BIRC7: variants seen among roughly 807,000 people sequenced by gnomAD.
The protein encoded by BIRC7 is baculoviral IAP repeat-containing protein 7.
Under a neutral mutation model 33.2 loss-of-function variants are expected in BIRC7, and 26 were observed. The observed-to-expected ratio is 0.78, with a 90% CI of 0.57 to 1.09. BIRC7 has a LOEUF of 1.09. Among genes scored for constraint, BIRC7 ranks in the 50% least tolerant of loss-of-function variants. The pLI is 0.00. For missense variants in BIRC7, 409 were observed against 401.2 expected, an observed-to-expected ratio of 1.02 and a Z score of -0.17; for synonymous variants, 176 against 171.0, an observed-to-expected ratio of 1.03 and a Z score of -0.23.
At position 63,239,065 on chromosome 20, in the gene BIRC7, G is replaced by A. The variant is rs55884143; in HGVS notation, c.578-97G>A. ...GATACTCTGCAGCCCCTCCACTCCC[G>A]GCCAGAACTGGACCCCACAGGCTGC... On this transcript the variant is annotated intron_variant, in intron 4 of 6. Transcript: ENST00000217169. 4.3e-3 allele frequency: 5,512 copies of A among 1,296,926 alleles called. 185 individuals carry two copies. In the African/African-American group the frequency reaches 0.072, roughly 17 times the overall value. The allele number at this position is 1,296,926 out of a possible 1,614,324, so 80.3% of individuals were successfully genotyped here.
Position 63,239,523 on chromosome 20 carries a change from G to A in BIRC7, c.815G>A (p.Cys272Tyr), listed in dbSNP as rs770177059. The A allele has an allele frequency of 1.2e-6, 2 of 1,605,302 alleles. No homozygotes were observed. The highest frequency in any genetic ancestry group is 3.3e-5 in the Admixed American group (2 of 59,996). Residue 272 changes from cysteine (C) to tyrosine (Y), a missense_variant, in exon 6 of 7, where the codon TGT becomes TAT. Cys to Tyr is a radical substitution (Grantham distance 194). Coordinates refer to ENST00000217169, the MANE Select transcript of BIRC7 (RefSeq NM_139317.3). ...TTTGTGCCGTGCGGCCACCTGGTCT[G>A]TGCTGAGTGTGCCCCCGGCCTGCAG... ...IVFVPCGHLVCAECAPGLQLC... is the reference protein window; with the variant it reads ...IVFVPCGHLVYAECAPGLQLC...
At position 63,236,311 on chromosome 20, in the gene BIRC7, G is replaced by C; in HGVS notation, c.215G>C (p.Gly72Ala). 1 of 1,610,018 alleles carries C rather than the reference G, an allele frequency of 6.2e-7. No individual in the cohort carries two copies. The highest frequency in any genetic ancestry group is 1.1e-5 in the South Asian group (1 of 90,972). ...LTEEEEEEGAGATLSRGPAFP... is the reference protein window; with the variant it reads ...LTEEEEEEGAAATLSRGPAFP... ...GAGGAGGAAGAGGAGGAGGGCGCCG[G>C]GGCCACCTTGTCCAGGGGGCCTGCC... The change falls in exon 1 of 7, where the codon GGG becomes GCG. Residue 72 changes from glycine to alanine, a missense_variant. Gly to Ala is a moderately conservative substitution (Grantham distance 60). Coordinates refer to ENST00000217169, the MANE Select transcript of BIRC7 (RefSeq NM_139317.3).
At chr20:63,238,959 C>A in intron 4 of BIRC7, 1 of 652,592 alleles carries the variant, frequency 1.5e-6, no homozygotes, top group Non-Finnish European at 2.6e-6. Flanking sequence ...GGACAAGGGA[C>A]AGGCTCTCTG....
chr20:63,239,147 C>T lies in BIRC7; in HGVS notation c.578-15C>T. ...CTTGGGAGTTAGGCCTCAAGTCTAT[C>T]CTAACTGTCCACAGTCCCTGCCTCT... On this transcript the variant is annotated splice_polypyrimidine_tract_variant and intron_variant, in intron 4 of 6. Transcript: ENST00000217169. 6.2e-7 allele frequency: 1 copy of T among 1,611,572 alleles called. No homozygotes were observed. Among genetic ancestry groups the T allele is most frequent in the Non-Finnish European group, 8.5e-7 (1 of 1,179,250 alleles).
intron 6 of BIRC7, among the ~76,000 whole-genome samples, 175 bp downstream of exon 6, chr20:63,239,785 G>A (rs938561645): frequency 1.3e-5 from 2 of 152,208 alleles, no homozygotes; most frequent in African/African-American, 4.8e-5. Context: ...CTCCCTTGAC[G>A]CTTAGGTTGG....
chr20:63,238,108 C>T, intron 2 of BIRC7, 106 bp downstream of exon 2: 1 of 1,127,762 alleles, frequency 8.9e-7, no homozygotes. Context: ...CCTGGCCCCA[C>T]AGGGCACTGG....
chr20:63,240,036 C>A (rs2066725438), intron 6 of BIRC7, among the ~76,000 whole-genome samples: 1 of 152,242 alleles, frequency 6.6e-6, no homozygotes, highest in Non-Finnish European at 1.5e-5. Flanking sequence ...GGTGTGTGAA[C>A]CTGTTCTTAG....
chr20:63,238,573 C>T lies in BIRC7; in HGVS notation c.536C>T (p.Pro179Leu), dbSNP rs752080915. 1.5e-5 allele frequency: 25 copies of T among 1,613,136 alleles called. No individual in the cohort carries two copies. Among genetic ancestry groups the T allele is most frequent in the Non-Finnish European group, 1.7e-5 (20 of 1,179,984 alleles). Reference protein sequence around the residue: ...THSQLLGSWDPWEEPEDAAPV... With the variant: ...THSQLLGSWDLWEEPEDAAPV... The stretch of plus-strand genomic sequence containing the variant: ...ATGGTCTCTGGCTCCTTCCAGGACC[C>T]GTGGGAAGAACCGGAAGACGCAGCC... Residue 179 changes from proline (P) to leucine (L), a missense_variant, in exon 4 of 7, where the codon CCG becomes CTG. Coordinates refer to ENST00000217169, the MANE Select transcript of BIRC7 (RefSeq NM_139317.3).
rs139260685 is a variant in BIRC7, at chr20:63,237,961, C to G, written c.408C>G (p.Arg136=). 1 of 1,608,920 alleles carries G rather than the reference C, an allele frequency of 6.2e-7. No individual in the cohort carries two copies. ...ATGGGGGCCTGCAGAGCTGGAAGCG[C>G]GGGGACGACCCCTGGACGGAGCATG... ...FCYGGLQSWK[R]GDDPWTEHAK... is the part of the protein sequence containing the mutation. The change falls in exon 2 of 7, where the codon CGC becomes CGG. Residue 136 remains arginine, a synonymous_variant. Transcript: ENST00000217169.
In BIRC7 at chr20:63,236,177, G is replaced by A. The variant is rs745552534; in HGVS notation, c.81G>A (p.Gln27=). The A allele has an allele frequency of 6.3e-7, 1 of 1,590,038 alleles. No individual in the cohort carries two copies. The highest frequency in any genetic ancestry group is 8.6e-7 in the Non-Finnish European group (1 of 1,167,818). The part of the protein sequence containing the change: ...SHWAAGDGPT[Q]ERCGPRSLGS... The stretch of plus-strand genomic sequence containing the variant: ...GGGCAGCCGGTGATGGTCCCACGCA[G>A]GAGCGCTGTGGACCCCGCTCTCTGG... The change falls in exon 1 of 7, where the codon CAG becomes CAA. Residue 27 remains glutamine, a synonymous_variant. Transcript: ENST00000217169.
At position 63,238,377 on chromosome 20, in the gene BIRC7, A is replaced by T; in HGVS notation, c.450-19A>T. The T allele has an allele frequency of 1.9e-6, 3 of 1,611,252 alleles. 1 individual carries two copies. The highest frequency in any genetic ancestry group is 3.3e-4 in the Middle Eastern group (2 of 6,060). On this transcript the variant is annotated intron_variant, in intron 2 of 6. Transcript: ENST00000217169. ...GTGGGGGCCCTGAACCCCAACCTAC[A>T]TCTCTGGGGCATCTGCAGCTGTCAG...
chr20:63,237,700 CCA>C (rs1309862978), intron 1 of BIRC7, among the ~76,000 whole-genome samples: 1 of 152,092 alleles, frequency 6.6e-6, no homozygotes, highest in African/African-American at 2.4e-5. Flanking sequence ...GGCCGGCACC[CCA>C]GTCACCCTTG....
chr20:63,237,192 G>C (rs554482427), intron 1 of BIRC7, among the ~76,000 whole-genome samples: 1 of 152,324 alleles, frequency 6.6e-6, no homozygotes, highest in Admixed American at 6.5e-5. Context: ...TGGTCGGGGG[G>C]ACAGTGGCTG....
At chr20:63,238,898 C>T in intron 4 of BIRC7, 1 of 625,502 alleles carries the variant, frequency 1.6e-6, no homozygotes, top group Non-Finnish European at 2.8e-6. Context: ...CAGTGCCCAG[C>T]ACACAGCATC....
At chr20:63,237,409 C>T (rs1013827238) in intron 1 of BIRC7, among the ~76,000 whole-genome samples, 1 of 152,124 alleles carries the variant, frequency 6.6e-6, no homozygotes, top group Non-Finnish European at 1.5e-5. Context: ...GATGAGGGGA[C>T]GGGGTCGCCA....
At chr20:63,238,750 G>T in intron 4 of BIRC7, 136 bp downstream of exon 4, 2 of 1,304,812 alleles carry the variant, frequency 1.5e-6, no homozygotes, top group South Asian at 2.7e-5. Flanking sequence ...CTGCTGCCTG[G>T]GTTGGCTTCA....
rs1601253543 is a variant in BIRC7 at position 63,236,032 on chromosome 20, T to C, written c.-65T>C. On this transcript the variant is annotated 5_prime_UTR_variant, in exon 1 of 7. Coordinates refer to ENST00000217169, the MANE Select transcript of BIRC7 (RefSeq NM_139317.3). ...GAGCTCCAGAAGGGCCAGCTGGGCA[T>C]ATTCTGAGATTGGCCATCAGCCCCC... 1.4e-5 allele frequency: 21 copies of C among 1,463,726 alleles called. No homozygotes were observed. In the South Asian group the frequency reaches 2.8e-4, roughly 19 times the overall value. The allele number at this position is 1,463,726 out of a possible 1,614,324, so 90.7% of individuals were successfully genotyped here. A position where few individuals can be genotyped will look rare whatever the true frequency, so the allele number is the denominator to read the frequency against.
chr20:63,238,597 C>G lies in BIRC7; in HGVS notation c.560C>G (p.Ala187Gly), dbSNP rs6011693. The change falls in exon 4 of 7, where the codon GCC becomes GGC. Residue 187 changes from alanine (A) to glycine (G), a missense_variant. By Grantham distance (60) the Ala-to-Gly change is moderately conservative. Coordinates refer to ENST00000217169, the MANE Select transcript of BIRC7 (RefSeq NM_139317.3). ...CCGTGGGAAGAACCGGAAGACGCAG[C>G]CCCTGTGGCCCCCTCCGGTGAGAGC... The part of the protein sequence containing the change: ...WDPWEEPEDA[A>G]PVAPSVPASG... The G allele has an allele frequency of 3.9e-3, 6,210 of 1,612,936 alleles. 206 individuals carry two copies. The African/African-American group carries it at 0.074, about 19-fold the overall frequency.
chr20:63,237,190 G>C (rs2066695128), intron 1 of BIRC7, among the ~76,000 whole-genome samples: 1 of 152,210 alleles, frequency 6.6e-6, no homozygotes, highest in African/African-American at 2.4e-5. Context: ...GCTGGTCGGG[G>C]GGACAGTGGC....
Sources: allele counts gnomAD v4.1 joint callset (sites outside exome capture counted in the v4.1 genomes callset), GRCh38; gene constraint gnomAD v4.1.1; transcripts MANE v1.5; gene names NCBI Gene and HGNC (gene_info 2026-07-23, HGNC 2026-07-21).